DSCAML1: variants seen among roughly 807,000 people sequenced by gnomAD.
DSCAML1 encodes cell adhesion molecule DSCAML1.
In DSCAML1, 38 loss-of-function variants were observed where a neutral mutation model predicts 200.5. The ratio of observed to expected loss-of-function variants is 0.19; its 90% CI spans 0.15 to 0.25. The LOEUF is 0.25. Among genes scored for constraint, DSCAML1 ranks in the 10% least tolerant of loss-of-function variants. The pLI is 1.00. For missense variants in DSCAML1, 2,223 were observed against 2,858.8 expected, an observed-to-expected ratio of 0.78 and a Z score of 5.07; for synonymous variants, 1,215 against 1,165.0, an observed-to-expected ratio of 1.04 and a Z score of -0.87.
At chr11:117,808,150 T>C (rs1385295446) in intron 1 of DSCAML1, among the ~76,000 whole-genome samples, 1 of 152,158 alleles carries the variant, frequency 6.6e-6, no homozygotes, top group Non-Finnish European at 1.5e-5. Flanking sequence ...CACATGAAGA[T>C]ACCACAGCAA....
intron 3 of DSCAML1, among the ~76,000 whole-genome samples, chr11:117,733,951 C>T (rs1414860402): frequency 6.6e-6 from 1 of 150,974 alleles, no homozygotes; most frequent in Non-Finnish European, 1.5e-5. Context: ...TGCATGAAAG[C>T]AGGCATATTG....
chr11:117,634,793 G>A (rs937522778), intron 3 of DSCAML1, among the ~76,000 whole-genome samples: 4 of 152,172 alleles, frequency 2.6e-5, no homozygotes, highest in Admixed American at 6.5e-5. Context: ...GTGGTGGGTC[G>A]CAGGTTGGAG....
At chr11:117,674,013 C>T (rs578140887) in intron 3 of DSCAML1, among the ~76,000 whole-genome samples, 3 of 152,332 alleles carry the variant, frequency 2.0e-5, no homozygotes, top group East Asian at 1.9e-4. Context: ...CACCTTTTCT[C>T]GAGGCTCATT....
intron 8 of DSCAML1, among the ~76,000 whole-genome samples, chr11:117,514,646 G>A (rs575265075): frequency 3.1e-5 from 4 of 129,930 alleles, no homozygotes; most frequent in Non-Finnish European, 6.1e-5. Flanking sequence ...GCAATGGCAC[G>A]ATCTAAGCTC....
In DSCAML1 at chr11:117,702,204, C is replaced by T. The variant is rs2137748147; in HGVS notation, c.511+74587G>A. ...CTCCCTGATGAACACAATTCAACGG[C>T]CCACATTGCTTTTAGGAAAAGTTCA... On this transcript the variant is annotated intron_variant, in intron 3 of 32. Transcript: ENST00000651296. 1.3e-5 allele frequency among the ~76,000 whole-genome samples: 2 copies of T among 152,300 alleles called. 1 individual carries two copies. The highest frequency in any genetic ancestry group is 6.8e-3 in the Middle Eastern group (2 of 292).
In DSCAML1 at chr11:117,549,148, G is replaced by A. The variant is rs143628441; in HGVS notation, c.512-16626C>T. Among the ~76,000 whole-genome samples, 372 of 152,058 alleles carry A rather than the reference G, an allele frequency of 2.4e-3. 3 individuals carry two copies. Among genetic ancestry groups the A allele is most frequent in the African/African-American group, 7.1e-3 (296 of 41,534 alleles). ...CCCATCACCACCTTCCCACTCCGGG[G>A]GTCTACCTGCCTCAGAGGCCTCCAA... On this transcript the variant is annotated intron_variant, in intron 3 of 32. Transcript: ENST00000651296.
At chr11:117,629,284 C>T (rs1440911768) in intron 3 of DSCAML1, among the ~76,000 whole-genome samples, 2 of 152,158 alleles carry the variant, frequency 1.3e-5, no homozygotes, top group African/African-American at 2.4e-5. Flanking sequence ...TGAGATTTGG[C>T]TTTGGCAAGG....
intron 17 of DSCAML1, among the ~76,000 whole-genome samples, chr11:117,464,373 G>C (rs1291235420): frequency 2.6e-5 from 4 of 152,162 alleles, no homozygotes; most frequent in African/African-American, 9.7e-5. Flanking sequence ...GCATATTCCT[G>C]CTTCCTCCTA....
chr11:117,793,732 C>T (rs1273419269), intron 1 of DSCAML1, among the ~76,000 whole-genome samples: 2 of 152,130 alleles, frequency 1.3e-5, no homozygotes, highest in Non-Finnish European at 2.9e-5. Flanking sequence ...CTGTCCAGTC[C>T]CCCGGGATCT....
intron 11 of DSCAML1, among the ~76,000 whole-genome samples, chr11:117,495,098 G>T (rs2049265247): frequency 6.6e-6 from 1 of 152,160 alleles, no homozygotes; most frequent in African/African-American, 2.4e-5. Context: ...AGTGCCCAGG[G>T]ATGGTAGCCA....
At chr11:117,459,072 A>C (rs533690406) in intron 18 of DSCAML1, among the ~76,000 whole-genome samples, 163 bp from the exon 19 acceptor site, 13 of 152,326 alleles carry the variant, frequency 8.5e-5, no homozygotes, top group African/African-American at 2.6e-4. Context: ...ACCCAGGAGC[A>C]GATGCGGGCC....
Position 117,797,188 on chromosome 11 carries a change from C to A in DSCAML1, c.-109G>T. ...AGCCGCCCGCACTCGGCGCCCCGCT[C>A]TCTCTGCTCCTCAGCCCAGCGCTCG... On this transcript the variant is annotated 5_prime_UTR_variant, in exon 1 of 33. Transcript: ENST00000651296. 1 of 1,553,614 alleles carries A rather than the reference C, an allele frequency of 6.4e-7. No homozygotes were observed. The highest frequency in any genetic ancestry group is 8.7e-7 in the Non-Finnish European group (1 of 1,151,736).
intron 11 of DSCAML1, among the ~76,000 whole-genome samples, chr11:117,484,756 C>T (rs2049002765): frequency 6.6e-6 from 1 of 152,080 alleles, no homozygotes; most frequent in East Asian, 1.9e-4. Context: ...GAATTGAGCT[C>T]GGGTGTCGGG....
intron 3 of DSCAML1, among the ~76,000 whole-genome samples, chr11:117,537,850 C>G (rs926997323): frequency 6.6e-6 from 1 of 152,202 alleles, no homozygotes; most frequent in Admixed American, 6.5e-5. Flanking sequence ...TCCTCTGGAG[C>G]CTGTAGAGAG....
chr11:117,534,567 C>A (rs1452206360), intron 3 of DSCAML1, among the ~76,000 whole-genome samples: 4 of 152,158 alleles, frequency 2.6e-5, no homozygotes, highest in Non-Finnish European at 5.9e-5. Flanking sequence ...AGCTGTGATG[C>A]CCTTTGAATT....
At chr11:117,574,102 C>T (rs2050893940) in intron 3 of DSCAML1, among the ~76,000 whole-genome samples, 1 of 152,346 alleles carries the variant, frequency 6.6e-6, no homozygotes, top group Non-Finnish European at 1.5e-5. Context: ...CCCACCCTTC[C>T]ACCTCGACTC....
intron 3 of DSCAML1, among the ~76,000 whole-genome samples, chr11:117,575,006 C>T (rs542883325): frequency 1.3e-5 from 2 of 152,244 alleles, no homozygotes; most frequent in South Asian, 2.1e-4. Context: ...GCCTGGCTAA[C>T]ATGGTGAAAC....
chr11:117,631,649 T>A (rs1351606623), intron 3 of DSCAML1, among the ~76,000 whole-genome samples: 1 of 152,240 alleles, frequency 6.6e-6, no homozygotes, highest in African/African-American at 2.4e-5. Context: ...CAGGCAGATA[T>A]TTCTGTGAGC....
chr11:117,688,066 A>C (rs1713167690), intron 3 of DSCAML1, among the ~76,000 whole-genome samples: 1 of 152,250 alleles, frequency 6.6e-6, no homozygotes. Flanking sequence ...AGAAGCGCTC[A>C]TTCAGATGAT....
Sources: allele counts gnomAD v4.1 joint callset (sites outside exome capture counted in the v4.1 genomes callset), GRCh38; gene constraint gnomAD v4.1.1; transcripts MANE v1.5; gene names NCBI Gene and HGNC (gene_info 2026-07-23, HGNC 2026-07-21).